CSDC2: variants seen among roughly 807,000 people sequenced by gnomAD.
The protein encoded by CSDC2 is cold shock domain containing C2, also known as cold shock domain-containing protein C2.
In CSDC2, 8 loss-of-function variants were observed where a neutral mutation model predicts 15.8. The ratio of observed to expected loss-of-function variants is 0.51; its 90% CI spans 0.30 to 0.92. The LOEUF (loss-of-function observed/expected upper bound fraction) is 0.92, where lower values mean the gene tolerates loss of function less well. CSDC2 is among the 40% of genes least tolerant of loss of function. The pLI, the probability that CSDC2 is intolerant of heterozygous loss-of-function variation, is 0.07. For missense variants in CSDC2, 195 were observed against 213.3 expected, an observed-to-expected ratio of 0.91 and a Z score of 0.53; for synonymous variants, 96 against 92.3, an observed-to-expected ratio of 1.04 and a Z score of -0.23.
At chr22:41,564,645 T>C (rs924095674) in intron 1 of CSDC2, among the ~76,000 whole-genome samples, 1 of 152,222 alleles carries the variant, frequency 6.6e-6, no homozygotes, top group Non-Finnish European at 1.5e-5. Flanking sequence ...CGTTTGTTGT[T>C]CTGGTGCCTG....
chr22:41,574,330 A>G (rs577545313), intron 3 of CSDC2, among the ~76,000 whole-genome samples: 1 of 152,324 alleles, frequency 6.6e-6, no homozygotes, highest in African/African-American at 2.4e-5. Context: ...CAATGGCACA[A>G]TCTCGGCTCA....
chr22:41,568,892 C>T (rs193128657), intron 1 of CSDC2, among the ~76,000 whole-genome samples: 73 of 152,384 alleles, frequency 4.8e-4, no homozygotes, highest in African/African-American at 1.8e-3. Context: ...GCATGAGGCC[C>T]TGGAGCCGCA....
intron 1 of CSDC2, among the ~76,000 whole-genome samples, chr22:41,568,490 GC>G (rs1186176230): frequency 1.3e-5 from 2 of 152,158 alleles, no homozygotes; most frequent in Non-Finnish European, 2.9e-5. Context: ...TCACCATGTT[GC>G]CCCAGCTGGT....
chr22:41,565,449 C>CAAA (rs34460484), intron 1 of CSDC2, among the ~76,000 whole-genome samples: 10 of 57,442 alleles, frequency 1.7e-4, no homozygotes, highest in Admixed American at 3.8e-4. Flanking sequence ...GATTCCATCT[C>CAAA]AAAAAAAAAA....
At chr22:41,565,487 C>T (rs1025492056) in intron 1 of CSDC2, among the ~76,000 whole-genome samples, 7 of 149,368 alleles carry the variant, frequency 4.7e-5, no homozygotes, top group Non-Finnish European at 1.5e-5. Flanking sequence ...TATGGCCAGG[C>T]ACAGTGACTC....
At chr22:41,563,940 C>T (rs1425698042) in intron 1 of CSDC2, among the ~76,000 whole-genome samples, 18 of 150,924 alleles carry the variant, frequency 1.2e-4, no homozygotes, top group Admixed American at 6.6e-4. Flanking sequence ...AAAAATTAAC[C>T]GAGCGTGGTG....
At chr22:41,562,860 G>A (rs2067094531) in intron 1 of CSDC2, among the ~76,000 whole-genome samples, 1 of 152,156 alleles carries the variant, frequency 6.6e-6, no homozygotes, top group Non-Finnish European at 1.5e-5. Flanking sequence ...AAGCTGTGGG[G>A]TCACACTGAT....
chr22:41,566,665 C>G (rs2067117234), intron 1 of CSDC2, among the ~76,000 whole-genome samples: 1 of 147,056 alleles, frequency 6.8e-6, no homozygotes, highest in Non-Finnish European at 1.5e-5. Flanking sequence ...GGTCACCGGA[C>G]TCAGTGGCTC....
chr22:41,572,586 A>G (rs1206386429), intron 2 of CSDC2, among the ~76,000 whole-genome samples: 1 of 152,186 alleles, frequency 6.6e-6, no homozygotes, highest in Non-Finnish European at 1.5e-5. Context: ...TAAGCTGCTT[A>G]CAATCCAGAG....
At chr22:41,572,258 T>A in intron 2 of CSDC2, 117 bp downstream of exon 2, 1 of 800,352 alleles carries the variant, frequency 1.2e-6, no homozygotes, top group South Asian at 6.7e-5. Flanking sequence ...TGTGTGGACC[T>A]TCCAGTAACT....
chr22:41,567,169 A>C (rs1350457345), intron 1 of CSDC2, among the ~76,000 whole-genome samples: 1 of 152,096 alleles, frequency 6.6e-6, no homozygotes, highest in Non-Finnish European at 1.5e-5. Flanking sequence ...GGGGGAGTTT[A>C]TTTTCCCATT....
At chr22:41,574,678 T>C in intron 3 of CSDC2, 55 bp from the exon 4 acceptor site, 2 of 1,586,730 alleles carry the variant, frequency 1.3e-6, no homozygotes, top group Non-Finnish European at 1.7e-6. Flanking sequence ...GGCCACAGGA[T>C]TGTCTGGGGC....
intron 1 of CSDC2, among the ~76,000 whole-genome samples, chr22:41,565,490 A>AGTG (rs1194139930): frequency 6.6e-6 from 1 of 150,472 alleles, no homozygotes; most frequent in Admixed American, 6.6e-5. Flanking sequence ...GGCCAGGCAC[A>AGTG]GTGACTCACA....
chr22:41,564,531 A>G (rs1274103023), intron 1 of CSDC2, among the ~76,000 whole-genome samples: 1 of 151,970 alleles, frequency 6.6e-6, no homozygotes, highest in East Asian at 1.9e-4. Context: ...AAGTGCTGGG[A>G]TTACAGGTGT....
chr22:41,565,738 C>T (rs1025477833), intron 1 of CSDC2, among the ~76,000 whole-genome samples: 2 of 152,200 alleles, frequency 1.3e-5, no homozygotes, highest in African/African-American at 4.8e-5. Context: ...CCAGAGTGCC[C>T]CATGACACTG....
chr22:41,574,683 TG>T, intron 3 of CSDC2, 49 bp from the exon 4 acceptor site: 1 of 1,596,822 alleles, frequency 6.3e-7, no homozygotes, highest in Non-Finnish European at 8.5e-7. Context: ...CAGGATTGTC[TG>T]GGGCACAGGG....
intron 1 of CSDC2, among the ~76,000 whole-genome samples, chr22:41,569,963 A>G (rs1006081427): frequency 6.6e-6 from 1 of 151,668 alleles, no homozygotes; most frequent in Non-Finnish European, 1.5e-5. Context: ...TATTTTTAGG[A>G]GAGACGGGGT....
chr22:41,566,622 C>T (rs71327144), intron 1 of CSDC2, among the ~76,000 whole-genome samples: 2 of 130,992 alleles, frequency 1.5e-5, no homozygotes, highest in African/African-American at 2.9e-5. Flanking sequence ...CAGAGTGAGA[C>T]TCTGTCTCAA....
intron 1 of CSDC2, among the ~76,000 whole-genome samples, chr22:41,570,364 C>A (rs2067139270): frequency 6.6e-6 from 1 of 152,166 alleles, no homozygotes; most frequent in South Asian, 2.1e-4. Flanking sequence ...AAAAATTCCA[C>A]TTGCTGTATA....
Sources: allele counts gnomAD v4.1 joint callset (sites outside exome capture counted in the v4.1 genomes callset), GRCh38; gene constraint gnomAD v4.1.1; transcripts MANE v1.5; gene names NCBI Gene and HGNC (gene_info 2026-07-23, HGNC 2026-07-21).